ACSBG1: variants seen among roughly 807,000 people sequenced by gnomAD.
ACSBG1 encodes the protein long-chain-fatty-acid--CoA ligase ACSBG1.
ACSBG1 carries 39 observed loss-of-function variants against 80.2 expected under a neutral mutation model. The observed-to-expected ratio is 0.49, with a 90% CI of 0.38 to 0.64. The LOEUF (loss-of-function observed/expected upper bound fraction) is 0.64, where lower values mean the gene tolerates loss of function less well. Ranked by LOEUF, ACSBG1 falls within the 30% of genes least tolerant of loss-of-function variation. The pLI is 0.00. For synonymous variants in ACSBG1, 392 were observed against 379.5 expected, an observed-to-expected ratio of 1.03 and a Z score of -0.38; for missense variants, 828 against 966.4, an observed-to-expected ratio of 0.86 and a Z score of 1.90.
chr15:78,233,296 G>A (rs547890395), intron 1 of ACSBG1, among the ~76,000 whole-genome samples: 1 of 152,300 alleles, frequency 6.6e-6, no homozygotes, highest in South Asian at 2.1e-4. Context: ...GGGCCCAGAT[G>A]CCAGCCCTCG....
At chr15:78,226,806 T>TATATAATATATATATATATA (rs1447664241) in intron 1 of ACSBG1, among the ~76,000 whole-genome samples, 5 of 144,868 alleles carry the variant, frequency 3.5e-5, no homozygotes, top group Non-Finnish European at 6.0e-5. Context: ...ATATATAATA[T>TATATAATATATATATATATA]ATATATATGA....
rs1019449220 is a variant in ACSBG1, at chr15:78,180,619, G to C, written c.1253+136C>G. ...GGAGCTCAAGCCCAGTCATTGATGG[G>C]GCCTCTGCACGGGGTCTCCAGAGCT... On this transcript the variant is annotated intron_variant, in intron 9 of 13. Transcript: ENST00000258873. 9 of 1,095,984 alleles carry C rather than the reference G, an allele frequency of 8.2e-6. No homozygotes were observed. In the African/African-American group the frequency reaches 1.3e-4, roughly 15 times the overall value. 67.9% of individuals were successfully genotyped at this position (1,095,984 alleles called of 1,614,324 possible).
rs769313643 is a variant in ACSBG1, at chr15:78,234,425, TG to T, written c.76del (p.Gln26ArgfsTer7). 7 of 1,613,178 alleles carry T rather than the reference TG, an allele frequency of 4.3e-6. No homozygotes were observed. The highest frequency in any genetic ancestry group is 5.9e-6 in the Non-Finnish European group (7 of 1,180,034). On this transcript the variant is annotated frameshift_variant, in exon 1 of 14. Coordinates refer to ENST00000258873, the MANE Select transcript of ACSBG1 (RefSeq NM_015162.5). LOFTEE classifies it high-confidence loss of function. ...CACAATCATGTCCTGCCGGCTCTCC[TG>T]TGGGGTCTCTCTGCTGTCCAGCATG... Reference protein sequence around the residue: ...PSMLDSRETPQESRQDMIVRT... With the variant: ...PSMLDSRETPXESRQDMIVRT...
intron 2 of ACSBG1, among the ~76,000 whole-genome samples, chr15:78,200,299 G>T (rs2075154864): frequency 6.6e-6 from 1 of 152,038 alleles, no homozygotes; most frequent in Non-Finnish European, 1.5e-5. Flanking sequence ...CCCTAGCTCT[G>T]GAGGACCCCT....
chr15:78,190,481 G>A (rs2075047206), intron 5 of ACSBG1, among the ~76,000 whole-genome samples: 1 of 146,328 alleles, frequency 6.8e-6, no homozygotes, highest in East Asian at 2.2e-4. Context: ...TGAGGTGGGA[G>A]GATTGCTTGA....
chr15:78,182,895 G>A (rs559844158), intron 5 of ACSBG1, 110 bp from the exon 6 acceptor site: 15 of 1,170,416 alleles, frequency 1.3e-5, no homozygotes, highest in South Asian at 5.1e-5. Flanking sequence ...TGGGTGCCCC[G>A]TCTCTGACCT....
At position 78,182,753 on chromosome 15, in the gene ACSBG1, G is replaced by T; in HGVS notation, c.696C>A (p.Val232=). 1.9e-6 allele frequency: 3 copies of T among 1,614,190 alleles called. No homozygotes were observed. Among genetic ancestry groups the T allele is most frequent in the Non-Finnish European group, 2.5e-6 (3 of 1,180,036 alleles). Reference sequence around the variant, plus strand: ...TTGGAGGAGGTTCTTTATATATCACGACTGCCTTTAGATGTGGCAACTGTT... The same window carrying T: ...TTGGAGGAGGTTCTTTATATATCACTACTGCCTTTAGATGTGGCAACTGTT... The part of the protein sequence containing the change: ...IWKQLPHLKA[V]VIYKEPPPNK... Residue 232 remains valine (V), a synonymous_variant, in exon 6 of 14, where the codon GTC becomes GTA. Coordinates refer to ENST00000258873, the MANE Select transcript of ACSBG1 (RefSeq NM_015162.5).
chr15:78,194,532 G>A lies in ACSBG1; in HGVS notation c.427C>T (p.Arg143Cys), dbSNP rs573692044. 1.5e-5 allele frequency: 24 copies of A among 1,614,218 alleles called. No individual in the cohort carries two copies. The highest frequency in any genetic ancestry group is 1.1e-4 in the African/African-American group (8 of 75,064). Residue 143 changes from arginine to cysteine, a missense_variant, in exon 3 of 14, where the codon CGC becomes TGC. Physicochemically the swap from Arg to Cys is radical, Grantham distance 180 (BLOSUM62 -3). Coordinates refer to ENST00000258873, the MANE Select transcript of ACSBG1 (RefSeq NM_015162.5). ...ISYSQYYLLA[R>C]RAAKGFLKLG... is the part of the protein sequence containing the mutation. Reference sequence around the variant, plus strand: ...TTCAGGAAGCCCTTGGCGGCTCTGCGGGCGAGCAGGTAGTATTGGGAGTAG... The same window carrying A: ...TTCAGGAAGCCCTTGGCGGCTCTGCAGGCGAGCAGGTAGTATTGGGAGTAG...
At chr15:78,196,504 C>T (rs1394541981) in intron 2 of ACSBG1, among the ~76,000 whole-genome samples, 1 of 152,170 alleles carries the variant, frequency 6.6e-6, no homozygotes, top group Non-Finnish European at 1.5e-5. Context: ...AGCCCTCATA[C>T]AGTGCTGGTG....
intron 2 of ACSBG1, among the ~76,000 whole-genome samples, chr15:78,199,066 T>C (rs1195772633): frequency 6.6e-6 from 1 of 152,178 alleles, no homozygotes; most frequent in African/African-American, 2.4e-5. Flanking sequence ...CTGCTTTTTA[T>C]AGAGACATGG....
At chr15:78,199,554 T>G (rs750452375) in intron 2 of ACSBG1, among the ~76,000 whole-genome samples, 31 of 152,058 alleles carry the variant, frequency 2.0e-4, no homozygotes, top group Admixed American at 5.9e-4. Context: ...CTACAAAAAT[T>G]TATCCAGGTG....
intron 2 of ACSBG1, among the ~76,000 whole-genome samples, chr15:78,204,106 C>T (rs1202417533): frequency 3.3e-5 from 5 of 152,252 alleles, no homozygotes; most frequent in Non-Finnish European, 1.5e-5. Context: ...GCAGCTGCCA[C>T]TCCCGGCCTT....
chr15:78,194,318 G>T (rs1186476887), intron 3 of ACSBG1, among the ~76,000 whole-genome samples, 188 bp downstream of exon 3: 1 of 152,248 alleles, frequency 6.6e-6, no homozygotes, highest in Non-Finnish European at 1.5e-5. Context: ...ACATGGTAGG[G>T]GCTCAGCAAA....
chr15:78,195,741 T>C (rs918288706), intron 2 of ACSBG1, among the ~76,000 whole-genome samples: 2 of 152,186 alleles, frequency 1.3e-5, no homozygotes, highest in African/African-American at 4.8e-5. Flanking sequence ...TTTGGTCCCG[T>C]GAGACGTCCT....
At chr15:78,213,371 AC>A (rs1444527655) in intron 1 of ACSBG1, 3 of 152,022 alleles carry the variant, frequency 2.0e-5, no homozygotes, top group African/African-American at 7.3e-5. Flanking sequence ...CAGCCTGAAG[AC>A]CCCCATAGAG....
In ACSBG1 at chr15:78,168,968, C is replaced by G. The variant is rs758731102; in HGVS notation, c.*2476G>C. ...GGCAATGCAAAATGCTCAGACTTCA[C>G]AGAGGAAATCTGTCGCCGAGTAAAA... On this transcript the variant is annotated 3_prime_UTR_variant, in exon 14 of 14. Coordinates refer to ENST00000258873, the MANE Select transcript of ACSBG1 (RefSeq NM_015162.5). The G allele has an allele frequency of 6.2e-6, 10 of 1,603,288 alleles. No homozygotes were observed. Among genetic ancestry groups the G allele is most frequent in the Non-Finnish European group, 8.5e-6 (10 of 1,171,002 alleles).
chr15:78,205,414 C>T (rs1339916279), intron 2 of ACSBG1, among the ~76,000 whole-genome samples: 15 of 152,098 alleles, frequency 9.9e-5, no homozygotes, highest in Non-Finnish European at 2.2e-4. Context: ...AGAGGGGCTG[C>T]CAGTGTCTGC....
chr15:78,195,535 T>G (rs905978847), intron 2 of ACSBG1, among the ~76,000 whole-genome samples: 20 of 150,378 alleles, frequency 1.3e-4, no homozygotes, highest in African/African-American at 2.3e-4. Context: ...ATGCAAGACT[T>G]GGACAAGCCA....
intron 1 of ACSBG1, among the ~76,000 whole-genome samples, chr15:78,219,223 G>A (rs1425061055): frequency 1.3e-5 from 2 of 152,042 alleles, no homozygotes; most frequent in African/African-American, 4.8e-5. Context: ...GGAAGCAATC[G>A]ACTGGAATTG....
Sources: allele counts gnomAD v4.1 joint callset (sites outside exome capture counted in the v4.1 genomes callset), GRCh38; gene constraint gnomAD v4.1.1; transcripts MANE v1.5; gene names NCBI Gene and HGNC (gene_info 2026-07-23, HGNC 2026-07-21).